Variants in UNC13C observed in about 807,000 individuals in gnomAD.
The protein encoded by UNC13C is unc-13 homolog C, also known as protein unc-13 homolog C.
A neutral mutation model predicts 245.4 loss-of-function variants in UNC13C; 174 were observed. The observed-to-expected ratio is 0.71, with a 90% confidence interval of 0.63 to 0.80. UNC13C has a LOEUF of 0.80. Ranked by LOEUF, UNC13C falls within the 30% of genes least tolerant of loss-of-function variation. The probability of loss-of-function intolerance (pLI) is 0.00; values close to 1 mark genes in which losing one functional copy is unlikely to be tolerated. For missense variants in UNC13C, 2,829 were observed against 2,602.9 expected (o/e 1.09, Z -1.89); for synonymous variants, 992 against 895.1 (o/e 1.11, Z -1.93).
At chr15:54,110,272 C>A (rs28412156) in intron 2 of UNC13C, among the ~76,000 whole-genome samples, 1,195 of 79,278 alleles carry the variant, frequency 0.015, 15 homozygotes, top group African/African-American at 0.047. Context: ...CAGAGTGAGA[C>A]GCTGCCTCAA....
At chr15:54,016,408 C>T (rs926507222) in intron 2 of UNC13C, among the ~76,000 whole-genome samples, 1 of 152,176 alleles carries the variant, frequency 6.6e-6, no homozygotes, top group African/African-American at 2.4e-5. Flanking sequence ...GTGCACAGGA[C>T]AGTCCCATGG....
chr15:54,088,858 T>G (rs1407740347), intron 2 of UNC13C, among the ~76,000 whole-genome samples: 1 of 152,208 alleles, frequency 6.6e-6, no homozygotes, highest in Non-Finnish European at 1.5e-5. Context: ...TGATGCAGGA[T>G]GTAGAATTTG....
chr15:54,353,393 G>C (rs576287884), intron 17 of UNC13C, among the ~76,000 whole-genome samples: 3 of 152,286 alleles, frequency 2.0e-5, no homozygotes, highest in African/African-American at 7.2e-5. Context: ...TAATTCTGGA[G>C]ATGTGTCCCT....
At chr15:54,065,248 G>A (rs1244228682) in intron 2 of UNC13C, among the ~76,000 whole-genome samples, 1 of 152,094 alleles carries the variant, frequency 6.6e-6, no homozygotes, top group Non-Finnish European at 1.5e-5. Flanking sequence ...CCCTAACAAG[G>A]GAGCCAGCTA....
intron 4 of UNC13C, among the ~76,000 whole-genome samples, chr15:54,154,262 G>T (rs1375315622): frequency 6.6e-6 from 1 of 150,836 alleles, no homozygotes; most frequent in Admixed American, 6.6e-5. Flanking sequence ...ATGTTGCATT[G>T]AATCTGTAGA....
At chr15:53,839,602 G>A in the UNC13C span, among the ~76,000 whole-genome samples, 6 of 151,748 alleles carry the variant, frequency 4.0e-5, no homozygotes, top group African/African-American at 1.5e-4. Flanking sequence ...TATGAATTTT[G>A]TTTATGTACT....
intron 2 of UNC13C, among the ~76,000 whole-genome samples, chr15:54,087,926 C>G (rs1595835425): frequency 6.6e-6 from 1 of 152,102 alleles, no homozygotes; most frequent in East Asian, 1.9e-4. Flanking sequence ...TTTAAGGCAA[C>G]TTTTGCTATT....
At chr15:53,960,223 GT>G in the UNC13C span, among the ~76,000 whole-genome samples, 2 of 152,052 alleles carry the variant, frequency 1.3e-5, no homozygotes, top group Non-Finnish European at 2.9e-5. Flanking sequence ...CTAAGTCTTA[GT>G]TTCTTTACCT....
At chr15:54,309,236 TTGC>T (rs2037806453) in intron 13 of UNC13C, among the ~76,000 whole-genome samples, 1 of 151,872 alleles carries the variant, frequency 6.6e-6, no homozygotes, top group Non-Finnish European at 1.5e-5. Context: ...TGGTTTTAAT[TTGC>T]ATTTCTCTGA....
chr15:54,038,124 A>AAAAATTTTTTTTTTTTTTTTTTTT (rs1555406259), intron 2 of UNC13C, among the ~76,000 whole-genome samples: 2 of 45,038 alleles, frequency 4.4e-5, no homozygotes, highest in African/African-American at 2.1e-4. Context: ...ATATATATAT[A>AAAAATTTTTTTTTTTTTTTTTTTT]TTTTTTTTTT....
intron 4 of UNC13C, among the ~76,000 whole-genome samples, chr15:54,147,494 C>T: frequency 6.6e-6 from 1 of 152,322 alleles, no homozygotes. Flanking sequence ...GCTGGGATTA[C>T]AGGCATGAGC....
chr15:54,298,309 G>C (rs1227540768), intron 12 of UNC13C, among the ~76,000 whole-genome samples: 1 of 152,188 alleles, frequency 6.6e-6, no homozygotes. Flanking sequence ...TATTGCAGGA[G>C]AGGATCAAAT....
the UNC13C span, among the ~76,000 whole-genome samples, chr15:53,893,970 G>A: frequency 6.6e-6 from 1 of 152,226 alleles, no homozygotes. Context: ...GCCCTGGTGG[G>A]GCAGGCACTG....
At chr15:53,916,824 C>T in the UNC13C span, among the ~76,000 whole-genome samples, 8 of 152,192 alleles carry the variant, frequency 5.3e-5, no homozygotes, top group African/African-American at 9.7e-5. Flanking sequence ...ACTATGTATT[C>T]CCGGATCGGA....
Position 54,015,303 on chromosome 15 carries a change from A to G in UNC13C, c.2400A>G (p.Thr800=), listed in dbSNP as rs1555403484. 6.2e-7 allele frequency: 1 copy of G among 1,613,796 alleles called. No homozygotes were observed. The highest frequency in any genetic ancestry group is 8.5e-7 in the Non-Finnish European group (1 of 1,179,828). ...TCAGCTTCCCAAAATTTGGATCTACACTGCAGAGGGCTAAATCAGCCTTGG... is the reference window on the plus strand; with the variant it reads ...TCAGCTTCCCAAAATTTGGATCTACGCTGCAGAGGGCTAAATCAGCCTTGG... ...KTFSFPKFGS[T]LQRAKSALEV... The change falls in exon 2 of 33, where the codon ACA becomes ACG. Residue 800 remains threonine, a synonymous_variant. Coordinates refer to ENST00000260323, the MANE Select transcript of UNC13C (RefSeq NM_001080534.3).
At chr15:54,617,492 AACATCTG>A (rs1446802325) in intron 30 of UNC13C, among the ~76,000 whole-genome samples, 1 of 152,064 alleles carries the variant, frequency 6.6e-6, no homozygotes, top group Non-Finnish European at 1.5e-5. Context: ...ACAGGCAACT[AACATCTG>A]AATCCCAGTC....
At chr15:53,884,743 T>C in the UNC13C span, among the ~76,000 whole-genome samples, 1 of 152,320 alleles carries the variant, frequency 6.6e-6, no homozygotes, top group African/African-American at 2.4e-5. Flanking sequence ...GAGTAGTTTT[T>C]ACTTGGACTT....
intron 1 of UNC13C, among the ~76,000 whole-genome samples, chr15:54,004,010 G>A (rs1452858301): frequency 3.9e-5 from 6 of 152,004 alleles, no homozygotes; most frequent in Admixed American, 2.6e-4. Flanking sequence ...GACTCCATCT[G>A]AAACAAACAA....
chr15:54,556,011 C>T lies in UNC13C; in HGVS notation c.5958+499C>T, dbSNP rs569375375. 2.1e-3 allele frequency among the ~76,000 whole-genome samples: 312 copies of T among 152,046 alleles called. 1 individual carries two copies. The highest frequency in any genetic ancestry group is 7.0e-3 in the African/African-American group (291 of 41,510). On this transcript the variant is annotated intron_variant, in intron 29 of 32. Coordinates refer to ENST00000260323, the MANE Select transcript of UNC13C (RefSeq NM_001080534.3). ...TTTTCTGCTGAATACCCAAAGATGT[C>T]GTTTGTACGCATCAGCTGTTTTCAT...
Sources: gnomAD v4.1 joint callset for allele counts (sites outside exome capture counted in the v4.1 genomes callset) on GRCh38, gnomAD v4.1.1 for gene constraint, MANE v1.5 for transcripts, NCBI Gene and HGNC (gene_info 2026-07-23, HGNC 2026-07-21) for gene names.